Variants in PCDH7 observed in about 807,000 individuals in gnomAD.
The protein encoded by PCDH7 is protocadherin-7.
In PCDH7, 17 loss-of-function variants were observed where a neutral mutation model predicts 58.9. That is an observed-to-expected ratio of 0.29 (90% CI 0.20 to 0.43). PCDH7 has a LOEUF of 0.43. Among genes scored for constraint, PCDH7 ranks in the 20% least tolerant of loss-of-function variants. PCDH7 has a pLI of 1.00. For missense variants in PCDH7, 1,274 were observed against 1,441.0 expected (o/e 0.88, Z 1.88); for synonymous variants, 664 against 616.4 (o/e 1.08, Z -1.14).
chr4:30,904,021 C>T (rs1284150513), intron 1 of PCDH7, among the ~76,000 whole-genome samples: 1 of 151,928 alleles, frequency 6.6e-6, no homozygotes, highest in Non-Finnish European at 1.5e-5. Context: ...TTTGCAGTGC[C>T]CTACAGGTGA....
intron 2 of PCDH7, among the ~76,000 whole-genome samples, chr4:30,934,224 T>C (rs536575594): frequency 5.3e-5 from 8 of 152,326 alleles, no homozygotes; most frequent in Admixed American, 4.6e-4. Flanking sequence ...GCTTTTTCTT[T>C]CGCTGCCTAC....
chr4:31,136,267 AT>A (rs1719590089), intron 3 of PCDH7, among the ~76,000 whole-genome samples: 2 of 152,230 alleles, frequency 1.3e-5, no homozygotes, highest in Admixed American at 1.3e-4. Context: ...TACGAGCTGT[AT>A]AGACATTAAC....
rs149454133 is a variant in PCDH7, at chr4:31,114,444, A to G, written c.*8-28029A>G. Among the ~76,000 whole-genome samples the G allele has an allele frequency of 3.2e-3, 482 of 152,286 alleles. 13 individuals are homozygous for G. Among genetic ancestry groups the G allele is most frequent in the Admixed American group, 0.03 (453 of 15,298 alleles). On this transcript the variant is annotated intron_variant, in intron 3 of 3. Coordinates refer to the PCDH7 transcript ENST00000509759. ...TCAGGTATACTGTTTCCTATGTAAA[A>G]TGATCACAATTCAGATATTGACCTA...
At chr4:30,938,386 A>ATTTGAC (rs1745608035) in intron 2 of PCDH7, among the ~76,000 whole-genome samples, 1 of 152,090 alleles carries the variant, frequency 6.6e-6, no homozygotes, top group African/African-American at 2.4e-5. Flanking sequence ...CATGTAGAGA[A>ATTTGAC]TTTGACTTCC....
intron 3 of PCDH7, among the ~76,000 whole-genome samples, chr4:31,022,789 C>T (rs564296548): frequency 1.3e-5 from 2 of 152,204 alleles, no homozygotes; most frequent in African/African-American, 4.8e-5. Flanking sequence ...TTGAGTCAAA[C>T]TTGGCCCTTG....
intron 3 of PCDH7, among the ~76,000 whole-genome samples, chr4:31,127,689 G>A (rs1718466035): frequency 6.6e-6 from 1 of 152,024 alleles, no homozygotes. Context: ...GGTTGTTGAG[G>A]ATGTAACTAA....
chr4:30,884,093 A>G (rs899046327), intron 1 of PCDH7, among the ~76,000 whole-genome samples: 4 of 152,128 alleles, frequency 2.6e-5, no homozygotes. Context: ...GGCTTCCTTC[A>G]TTCAGAACAA....
chr4:30,962,902 T>A (rs1560537382), intron 3 of PCDH7, among the ~76,000 whole-genome samples: 1 of 151,928 alleles, frequency 6.6e-6, no homozygotes, highest in Non-Finnish European at 1.5e-5. Context: ...CTGTCCCTGT[T>A]GTTCTTTATT....
downstream of PCDH7, among the ~76,000 whole-genome samples, chr4:30,736,166 T>C (rs1716222635): frequency 1.3e-5 from 2 of 152,152 alleles, no homozygotes; most frequent in Non-Finnish European, 1.5e-5. Context: ...TGGAGGAAGC[T>C]GAGACTTAAA....
intron 3 of PCDH7, among the ~76,000 whole-genome samples, chr4:31,036,465 A>G (rs6843199): frequency 0.62 from 94,421 of 152,006 alleles, 32,000 homozygotes; most frequent in African/African-American, 0.9. Flanking sequence ...TGGGATTATA[A>G]GTGCAAGCCA....
intron 3 of PCDH7, among the ~76,000 whole-genome samples, chr4:31,031,264 T>G (rs1027699961): frequency 1.3e-5 from 2 of 152,196 alleles, no homozygotes; most frequent in African/African-American, 2.4e-5. Context: ...ACATTTTTGT[T>G]TGTCACAACA....
intron 1 of PCDH7, among the ~76,000 whole-genome samples, chr4:30,788,727 G>C (rs536792817): frequency 6.6e-6 from 1 of 152,026 alleles, no homozygotes. Flanking sequence ...AGTTAATTAT[G>C]AGAGTGTGTG....
chr4:30,761,444 A>T, intron 1 of PCDH7, among the ~76,000 whole-genome samples: 1 of 152,304 alleles, frequency 6.6e-6, no homozygotes. Context: ...TTAATTATAC[A>T]TATCATTTAA....
Position 31,089,728 on chromosome 4 carries a change from C to A in PCDH7, c.*8-52745C>A, listed in dbSNP as rs572519091. Among the ~76,000 whole-genome samples, 4 of 152,108 alleles carry A rather than the reference C, an allele frequency of 2.6e-5. No homozygotes were observed. The East Asian group carries it at 7.7e-4, about 29-fold the overall frequency. The stretch of plus-strand genomic sequence containing the variant: ...TGTAACAATTTTCATTTTTTCCCCA[C>A]AATTTTACTTAGTGATGCTCTTTGA... On this transcript the variant is annotated intron_variant, in intron 3 of 3. Coordinates refer to the PCDH7 transcript ENST00000509759.
At chr4:31,077,393 G>C (rs918955442) in intron 3 of PCDH7, among the ~76,000 whole-genome samples, 1 of 127,802 alleles carries the variant, frequency 7.8e-6, no homozygotes, top group African/African-American at 3.0e-5. Flanking sequence ...TGGGCAACAA[G>C]AGCGAAACTC....
chr4:30,936,508 G>A (rs1446396739), intron 2 of PCDH7, among the ~76,000 whole-genome samples: 2 of 152,032 alleles, frequency 1.3e-5, no homozygotes, highest in Middle Eastern at 3.2e-3. Context: ...CTGATTTATT[G>A]CGTAGTTTTA....
intron 3 of PCDH7, among the ~76,000 whole-genome samples, chr4:30,978,487 T>C (rs1269330396): frequency 6.6e-6 from 1 of 152,166 alleles, no homozygotes; most frequent in Non-Finnish European, 1.5e-5. Context: ...AATATTTTTA[T>C]ATTGAGAAGT....
At chr4:30,948,787 C>T (rs977450983) in intron 2 of PCDH7, among the ~76,000 whole-genome samples, 55 of 152,208 alleles carry the variant, frequency 3.6e-4, no homozygotes, top group African/African-American at 1.3e-3. Context: ...CTGACTAATA[C>T]TATTGCCTAA....
intron 3 of PCDH7, among the ~76,000 whole-genome samples, chr4:31,012,973 C>T (rs942580567): frequency 6.7e-6 from 1 of 150,156 alleles, no homozygotes; most frequent in African/African-American, 2.4e-5. Context: ...AATGATCTCA[C>T]CACTGTGCCC....
Sources: gnomAD v4.1 joint callset for allele counts (sites outside exome capture counted in the v4.1 genomes callset) on GRCh38, gnomAD v4.1.1 for gene constraint, MANE v1.5 for transcripts, NCBI Gene and HGNC (gene_info 2026-07-23, HGNC 2026-07-21) for gene names.